The following DYNC1I2 variants were observed in gnomAD, a reference collection of about 807,000 sequenced individuals.
DYNC1I2 encodes dynein cytoplasmic 1 intermediate chain 2.
A neutral mutation model predicts 88.6 loss-of-function variants in DYNC1I2; 53 were observed. The ratio of observed to expected loss-of-function variants is 0.60; its 90% CI spans 0.48 to 0.75. The LOEUF is 0.75. DYNC1I2 is among the 30% of genes least tolerant of loss of function. The pLI is 0.00. For synonymous variants in DYNC1I2, 198 were observed against 254.6 expected, an observed-to-expected ratio of 0.78 and a Z score of 2.12; for missense variants, 458 against 766.6, an observed-to-expected ratio of 0.60 and a Z score of 4.75.
At chr2:171,711,167 CT>C (rs1687101027) in intron 5 of DYNC1I2, among the ~76,000 whole-genome samples, 2 of 151,934 alleles carry the variant, frequency 1.3e-5, no homozygotes, top group Non-Finnish European at 2.9e-5. Flanking sequence ...TGGTTTCCAG[CT>C]ACTTTTTGAT....
chr2:171,729,183 C>T (rs553276553), intron 14 of DYNC1I2, among the ~76,000 whole-genome samples: 1 of 152,198 alleles, frequency 6.6e-6, no homozygotes, highest in South Asian at 2.1e-4. Context: ...TCAGCTGTTT[C>T]CCCTTTTGAT....
intron 5 of DYNC1I2, 41 bp downstream of exon 5, chr2:171,707,418 A>G (rs1187803345): frequency 8.3e-6 from 13 of 1,566,902 alleles, no homozygotes; most frequent in Admixed American, 1.8e-5. Context: ...GATAGAATGC[A>G]TTCAGTGCCC....
At chr2:171,691,368 T>C (rs1274701722) in intron 2 of DYNC1I2, among the ~76,000 whole-genome samples, 2 of 152,376 alleles carry the variant, frequency 1.3e-5, no homozygotes, top group East Asian at 3.8e-4. Context: ...ACTACAGATA[T>C]GTTTTAAATA....
chr2:171,730,696 C>A (rs552538538), intron 15 of DYNC1I2, among the ~76,000 whole-genome samples: 1 of 152,180 alleles, frequency 6.6e-6, no homozygotes, highest in African/African-American at 2.4e-5. Context: ...AAATTAAATT[C>A]TAAGGTGTTT....
At chr2:171,697,808 C>G (rs916512795) in intron 3 of DYNC1I2, among the ~76,000 whole-genome samples, 2 of 151,888 alleles carry the variant, frequency 1.3e-5, no homozygotes, top group African/African-American at 4.8e-5. Context: ...TGGCCATGAT[C>G]GCACTACTGA....
chr2:171,709,292 T>G (rs1686928971), intron 5 of DYNC1I2, among the ~76,000 whole-genome samples: 1 of 152,244 alleles, frequency 6.6e-6, no homozygotes, highest in Non-Finnish European at 1.5e-5. Context: ...CATGTCCCCA[T>G]GAGTTTTATG....
At chr2:171,703,873 C>G (rs1686465584) in intron 3 of DYNC1I2, among the ~76,000 whole-genome samples, 1 of 152,160 alleles carries the variant, frequency 6.6e-6, no homozygotes, top group African/African-American at 2.4e-5. Context: ...GAAGAGACTT[C>G]ACAACTTTGG....
chr2:171,738,148 G>A (rs370427477), intron 15 of DYNC1I2, among the ~76,000 whole-genome samples: 21 of 151,720 alleles, frequency 1.4e-4, no homozygotes, highest in African/African-American at 5.1e-4. Context: ...CTTGGCCAAC[G>A]TGGTGAAACC....
In DYNC1I2 at chr2:171,692,815, A is replaced by G; in HGVS notation, c.147A>G (p.Glu49=). The change falls in exon 3 of 18, where the codon GAA becomes GAG. Residue 49 remains glutamate (E), a synonymous_variant. Transcript: ENST00000397119. ...AGGAAGCTGTTGCTCCTGTGCAAGA[A>G]GAATCAGATCTTGAAAAAAAAAGGA... ...QKKEAVAPVQ[E]ESDLEKKRRE... The G allele has an allele frequency of 1.2e-6, 2 of 1,609,200 alleles. No homozygotes were observed. The highest frequency in any genetic ancestry group is 1.7e-6 in the Non-Finnish European group (2 of 1,177,812).
chr2:171,697,684 C>CA (rs142133174), intron 3 of DYNC1I2, among the ~76,000 whole-genome samples: 25,670 of 124,694 alleles, frequency 0.21, 3,224 homozygotes, highest in African/African-American at 0.39. Context: ...CCTGTCTCTA[C>CA]AAAAAAAAAA....
chr2:171,698,640 C>T (rs558582987), intron 3 of DYNC1I2, among the ~76,000 whole-genome samples: 2 of 151,986 alleles, frequency 1.3e-5, no homozygotes, highest in East Asian at 1.9e-4. Flanking sequence ...GAGGCTGAGG[C>T]GGGCGGATCA....
chr2:171,710,120 TATACACACACACACAC>T (rs1317858784), intron 5 of DYNC1I2, among the ~76,000 whole-genome samples: 58 of 95,772 alleles, frequency 6.1e-4, no homozygotes, highest in Admixed American at 7.4e-4. Flanking sequence ...TTTATGTATA[TATACACACACACACAC>T]ACACACACAC....
intron 3 of DYNC1I2, among the ~76,000 whole-genome samples, chr2:171,703,065 T>C (rs1004333635): frequency 7.2e-5 from 11 of 152,148 alleles, no homozygotes; most frequent in African/African-American, 2.7e-4. Flanking sequence ...GATGACTTTT[T>C]GTTAGAGATT....
At chr2:171,717,409 C>A (rs956715286) in intron 7 of DYNC1I2, among the ~76,000 whole-genome samples, 1 of 152,122 alleles carries the variant, frequency 6.6e-6, no homozygotes, top group Admixed American at 6.5e-5. Flanking sequence ...GCTACTGTGC[C>A]CGGCCATGTC....
At chr2:171,730,363 C>T (rs1688526136) in intron 15 of DYNC1I2, among the ~76,000 whole-genome samples, 1 of 152,170 alleles carries the variant, frequency 6.6e-6, no homozygotes, top group Non-Finnish European at 1.5e-5. Flanking sequence ...TGTGTAAAAG[C>T]ATGGATGCAT....
intron 6 of DYNC1I2, among the ~76,000 whole-genome samples, chr2:171,713,097 T>C (rs1371578066): frequency 1.3e-5 from 2 of 152,144 alleles, no homozygotes; most frequent in East Asian, 3.8e-4. Flanking sequence ...TTAAAAAACT[T>C]CTCAGACTTC....
At position 171,727,911 on chromosome 2, in the gene DYNC1I2, C is replaced by T. The variant is rs957296144; in HGVS notation, c.1087C>T (p.Arg363Cys). The part of the protein sequence containing the change: ...YSGQIVLWDN[R>C]SNKRTPVQRT... ...AGGCCAAATTGTGCTTTGGGATAAC[C>T]GTAGCAATAAAAGAACTCCAGTGCA... Residue 363 changes from arginine (R) to cysteine (C), a missense_variant, in exon 12 of 18, where the codon CGT becomes TGT. Transcript: ENST00000397119. 8 of 1,613,158 alleles carry T rather than the reference C, an allele frequency of 5.0e-6. No individual in the cohort carries two copies. Among genetic ancestry groups the T allele is most frequent in the Non-Finnish European group, 6.8e-6 (8 of 1,179,372 alleles).
chr2:171,704,010 T>C (rs770460812), intron 3 of DYNC1I2, among the ~76,000 whole-genome samples: 9 of 152,228 alleles, frequency 5.9e-5, no homozygotes, highest in Non-Finnish European at 1.0e-4. Flanking sequence ...AAACCCCTTC[T>C]TGCCAGAGGC....
intron 16 of DYNC1I2, among the ~76,000 whole-genome samples, chr2:171,745,562 G>GACC (rs1689721515): frequency 6.6e-6 from 1 of 152,188 alleles, no homozygotes; most frequent in Non-Finnish European, 1.5e-5. Flanking sequence ...TCAAAATAAT[G>GACC]TGTCTAGTCT....
Sources: gnomAD v4.1 joint callset for allele counts (sites outside exome capture counted in the v4.1 genomes callset) on GRCh38, gnomAD v4.1.1 for gene constraint, MANE v1.5 for transcripts, NCBI Gene and HGNC (gene_info 2026-07-23, HGNC 2026-07-21) for gene names.